Variants in ZXDC observed in about 807,000 individuals in gnomAD.
ZXDC encodes zinc finger protein ZXDC.
ZXDC carries 58 observed loss-of-function variants against 63.6 expected under a neutral mutation model. The observed-to-expected ratio is 0.91, with a 90% CI of 0.74 to 1.13. The LOEUF (loss-of-function observed/expected upper bound fraction) is 1.13. ZXDC is among the 50% of genes most tolerant of loss of function. The probability of loss-of-function intolerance (pLI) is 0.00; values close to 1 mark genes in which losing one functional copy is unlikely to be tolerated. For synonymous variants in ZXDC, 561 were observed against 496.1 expected (o/e 1.13, Z -1.74); for missense variants, 1,133 against 1,148.9 (o/e 0.99, Z 0.20).
At chr3:126,471,918 C>T in intron 3 of ZXDC, 55 bp downstream of exon 3, 5 of 1,437,654 alleles carry the variant, frequency 3.5e-6, no homozygotes, top group Non-Finnish European at 4.8e-6. Context: ...GTTTCTGCTG[C>T]TGACAAACCA....
In ZXDC at chr3:126,462,068, C is replaced by T. The variant is rs1934573473; in HGVS notation, c.1594G>A (p.Ala532Thr). ...ASGSAGGSDEALNSGILTIDV... is the reference protein window; with the variant it reads ...ASGSAGGSDETLNSGILTIDV... ...ATAGTCAGGATTCCGGAGTTCAGAG[C>T]CTCATCCGACCCACCTGCAGAACCA... is the stretch of plus-strand genomic sequence containing the variant. The change falls in exon 6 of 10, where the codon GCT becomes ACT. Residue 532 changes from alanine to threonine, a missense_variant. Physicochemically the swap from Ala to Thr is moderately conservative, Grantham distance 58. Transcript: ENST00000389709. 2 of 1,613,992 alleles carry T rather than the reference C, an allele frequency of 1.2e-6. No individual in the cohort carries two copies. The highest frequency in any genetic ancestry group is 1.7e-5 in the Admixed American group (1 of 60,008).
chr3:126,453,436 G>A (rs778871987), intron 7 of ZXDC: 2 of 985,446 alleles, frequency 2.0e-6, no homozygotes, highest in Non-Finnish European at 2.4e-6. Flanking sequence ...CTGATAGGAA[G>A]ACATCTGAGG....
At chr3:126,464,712 G>T (rs1004500989) in intron 5 of ZXDC, among the ~76,000 whole-genome samples, 1 of 152,112 alleles carries the variant, frequency 6.6e-6, no homozygotes, top group South Asian at 2.1e-4. Flanking sequence ...CGGCCAAACA[G>T]GGGAGAGGCC....
chr3:126,444,490 C>A (rs921049433), intron 7 of ZXDC, among the ~76,000 whole-genome samples: 1 of 151,876 alleles, frequency 6.6e-6, no homozygotes, highest in African/African-American at 2.4e-5. Context: ...CGAGATCATG[C>A]CACTGCACTC....
At chr3:126,449,415 G>C (rs1934009095) in intron 7 of ZXDC, among the ~76,000 whole-genome samples, 1 of 152,046 alleles carries the variant, frequency 6.6e-6, no homozygotes, top group South Asian at 2.1e-4. Context: ...ACCCCTGTAG[G>C]TCCTCACAAC....
At chr3:126,467,299 C>G (rs535521737) in intron 4 of ZXDC, among the ~76,000 whole-genome samples, 19 of 141,894 alleles carry the variant, frequency 1.3e-4, no homozygotes, top group African/African-American at 4.9e-4. Flanking sequence ...CAGCCTCTTA[C>G]CAGCAGTGTG....
Position 126,461,711 on chromosome 3 carries a change from T to C in ZXDC, c.1951A>G (p.Ser651Gly), listed in dbSNP as rs1934549072. 13 of 1,613,816 alleles carry C rather than the reference T, an allele frequency of 8.1e-6. No homozygotes were observed. The Middle Eastern group carries it at 6.6e-4, about 82-fold the overall frequency. ...TSSSTPRENA[S>G]VPELLAPIKV... The stretch of plus-strand genomic sequence containing the variant: ...ATTGGAGCCAGCAGTTCCGGGACAC[T>C]GGCATTTTCTCGGGGGGTGCTCGAA... Residue 651 changes from serine (S) to glycine (G), a missense_variant, in exon 6 of 10, where the codon AGT (serine) becomes GGT (glycine). Transcript: ENST00000389709.
chr3:126,457,498 T>C (rs1228733698), intron 7 of ZXDC: 1 of 985,200 alleles, frequency 1.0e-6, no homozygotes, highest in Non-Finnish European at 1.2e-6. Context: ...CACGAGGACA[T>C]TCTCCTGCTG....
At chr3:126,450,589 C>T (rs747799884) in intron 7 of ZXDC, 5 of 454,558 alleles carry the variant, frequency 1.1e-5, no homozygotes, top group Middle Eastern at 3.7e-4. Flanking sequence ...GGTGCACCTC[C>T]GGACTGACCG....
chr3:126,475,836 CG>C lies in ZXDC; in HGVS notation c.29del (p.Pro10ArgfsTer114). On this transcript the variant is annotated frameshift_variant, in exon 1 of 10. Transcript: ENST00000389709. LOFTEE classifies it high-confidence loss of function. ...CGCCATGTTGCCCTCCGCGCGCAGTCGGGGCGGGGAGCAGCGCCGGGAGGTC... is the reference window on the plus strand; with the variant it reads ...CGCCATGTTGCCCTCCGCGCGCAGTCGGGCGGGGAGCAGCGCCGGGAGGTC... The part of the protein sequence containing the change: MDLPALLPA[P>X]TARGGQHGGG... The C allele has an allele frequency of 1.8e-6, 2 of 1,081,346 alleles. No individual in the cohort carries two copies. The highest frequency in any genetic ancestry group is 2.2e-6 in the Non-Finnish European group (2 of 892,914). 67.0% of individuals were successfully genotyped at this position (1,081,346 alleles called of 1,614,324 possible).
At chr3:126,441,975 C>A in intron 7 of ZXDC, 29 bp from the exon 8 acceptor site, 1 of 1,563,164 alleles carries the variant, frequency 6.4e-7, no homozygotes, top group South Asian at 1.2e-5. Flanking sequence ...ACGAGCACAC[C>A]CAATCTACAA....
At chr3:126,441,372 C>T in intron 8 of ZXDC, 1 of 1,035,942 alleles carries the variant, frequency 9.7e-7, no homozygotes, top group Non-Finnish European at 1.2e-6. Context: ...CTGAGACGGC[C>T]TGCGGAGCCC....
chr3:126,463,090 A>T (rs1412116110), intron 5 of ZXDC, among the ~76,000 whole-genome samples: 1 of 150,524 alleles, frequency 6.6e-6, no homozygotes, highest in Non-Finnish European at 1.5e-5. Context: ...TTTTTTTGAG[A>T]GGGAGTCTCG....
At chr3:126,465,839 T>C (rs1432171712) in intron 5 of ZXDC, among the ~76,000 whole-genome samples, 1 of 152,140 alleles carries the variant, frequency 6.6e-6, no homozygotes, top group East Asian at 1.9e-4. Flanking sequence ...TGGGCTCAGC[T>C]ACTCTGGAGA....
At chr3:126,445,606 C>G (rs1560090512) in intron 7 of ZXDC, among the ~76,000 whole-genome samples, 1 of 151,554 alleles carries the variant, frequency 6.6e-6, no homozygotes, top group Non-Finnish European at 1.5e-5. Context: ...AGCAGAAGGA[C>G]AGCTGTGGGT....
chr3:126,470,916 G>A lies in ZXDC; in HGVS notation c.1249C>T (p.Pro417Ser). Residue 417 changes from proline to serine, a missense_variant, in exon 4 of 10, where the codon CCG (proline) becomes TCG (serine). Pro to Ser is a moderately conservative substitution (Grantham distance 74, BLOSUM62 -1). Coordinates refer to ENST00000389709, the MANE Select transcript of ZXDC (RefSeq NM_025112.5). Reference protein sequence around the residue: ...GHSITHLGTKPFECPVEGCCA... With the variant: ...GHSITHLGTKSFECPVEGCCA... ...CTACCTTCCACAGGACACTCGAACG[G>A]CTTTGTGCCTAGGTGGGTTATGCTG... The A allele has an allele frequency of 6.2e-7, 1 of 1,614,174 alleles. No individual in the cohort carries two copies. Among genetic ancestry groups the A allele is most frequent in the Non-Finnish European group, 8.5e-7 (1 of 1,180,018 alleles).
intron 5 of ZXDC, among the ~76,000 whole-genome samples, chr3:126,465,475 T>C (rs568172895): frequency 6.6e-6 from 1 of 152,274 alleles, no homozygotes; most frequent in Admixed American, 6.5e-5. Flanking sequence ...CCCAGTCCAC[T>C]CCTGAAACAC....
chr3:126,456,567 G>C (rs58538708), intron 7 of ZXDC, among the ~76,000 whole-genome samples: 31,203 of 152,224 alleles, frequency 0.2, 3,317 homozygotes, highest in East Asian at 0.38. Flanking sequence ...CGTCACACTA[G>C]GAACTCTCAT....
rs191515346 is a variant in ZXDC, at chr3:126,438,412, A to T, written c.2540T>A (p.Phe847Tyr). The change falls in exon 10 of 10, where the codon TTC (phenylalanine) becomes TAC (tyrosine). Residue 847 changes from phenylalanine to tyrosine, a missense_variant. Coordinates refer to ENST00000389709, the MANE Select transcript of ZXDC (RefSeq NM_025112.5). Reference protein sequence around the residue: ...GGPAGPEATQFPGSTINLQDL... With the variant: ...GGPAGPEATQYPGSTINLQDL... ...CTGCAGGTTGATAGTGCTTCCTGGG[A>T]ACTGGGTGGCCTCCGGTCCAGCAGG... 1.1e-3 allele frequency: 1,783 copies of T among 1,613,832 alleles called. 10 individuals carry two copies. The highest frequency in any genetic ancestry group is 4.0e-3 in the African/African-American group (297 of 75,014).
Sources: allele counts gnomAD v4.1 joint callset (sites outside exome capture counted in the v4.1 genomes callset), GRCh38; gene constraint gnomAD v4.1.1; transcripts MANE v1.5; gene names NCBI Gene and HGNC (gene_info 2026-07-23, HGNC 2026-07-21).